CCDC6: variants seen among roughly 807,000 people sequenced by gnomAD.
CCDC6 encodes the protein coiled-coil domain-containing protein 6.
CCDC6 carries 20 observed loss-of-function variants against 56.6 expected under a neutral mutation model. The ratio of observed to expected loss-of-function variants is 0.35; its 90% CI spans 0.25 to 0.51. CCDC6 has a LOEUF of 0.51. CCDC6 is among the 20% of genes least tolerant of loss of function. The pLI, the probability that CCDC6 is intolerant of heterozygous loss-of-function variation, is 0.95. For synonymous variants in CCDC6, 241 were observed against 234.4 expected, an observed-to-expected ratio of 1.03 and a Z score of -0.26; for missense variants, 367 against 601.1, an observed-to-expected ratio of 0.61 and a Z score of 4.07.
chr10:59,842,505 T>G (rs575218519), intron 2 of CCDC6, among the ~76,000 whole-genome samples: 1 of 152,248 alleles, frequency 6.6e-6, no homozygotes, highest in South Asian at 2.1e-4. Flanking sequence ...TTACACTTAC[T>G]GATTTTCTAC....
chr10:59,792,609 G>A lies in CCDC6; in HGVS notation c.*308C>T. On this transcript the variant is annotated 3_prime_UTR_variant, in exon 9 of 9. Transcript: ENST00000263102. ...CTAAAAGCCAGGAGAATGAAGCTCT[G>A]GGCCAAGCAAAAATTGCACACTGCT... 1.5e-6 allele frequency: 1 copy of A among 677,512 alleles called. No homozygotes were observed. The highest frequency in any genetic ancestry group is 2.9e-5 in the East Asian group (1 of 34,082). The allele number at this position is 677,512 out of a possible 1,614,324, so 42.0% of individuals were successfully genotyped here. A position where few individuals can be genotyped will look rare whatever the true frequency, so the allele number is the denominator to read the frequency against.
In CCDC6 at chr10:59,874,861, G is replaced by C. The variant is rs78186034; in HGVS notation, c.304-22159C>G. ...AGGCAAGAAAATGGACTCTCCTCTGGGACTTCCAGAAAAACTGCAGCCCTG... is the reference window on the plus strand; with the variant it reads ...AGGCAAGAAAATGGACTCTCCTCTGCGACTTCCAGAAAAACTGCAGCCCTG... On this transcript the variant is annotated intron_variant, in intron 1 of 8. Coordinates refer to ENST00000263102, the MANE Select transcript of CCDC6 (RefSeq NM_005436.5). Among the ~76,000 whole-genome samples, 9 of 152,236 alleles carry C rather than the reference G, an allele frequency of 5.9e-5. No homozygotes were observed. In the East Asian group the frequency reaches 1.7e-3, roughly 29 times the overall value.
chr10:59,789,655 A>AT lies in CCDC6; in HGVS notation c.*3261dup, dbSNP rs2070450859. ...ACAAAGTTTTCAGTGTTGGTTACCT[A>AT]TAAGACAAGTACTAGACAGAAGATC... On this transcript the variant is annotated 3_prime_UTR_variant, in exon 9 of 9. Coordinates refer to ENST00000263102, the MANE Select transcript of CCDC6 (RefSeq NM_005436.5). 1 of 224,434 alleles carries AT rather than the reference A, an allele frequency of 4.5e-6. No homozygotes were observed. The highest frequency in any genetic ancestry group is 5.7e-5 in the Admixed American group (1 of 17,442). 13.9% of individuals were successfully genotyped at this position (224,434 alleles called of 1,614,324 possible). A position where few individuals can be genotyped will look rare whatever the true frequency, so the allele number is the denominator to read the frequency against.
chr10:59,820,296 G>C (rs1252376401), intron 3 of CCDC6, among the ~76,000 whole-genome samples: 1 of 152,192 alleles, frequency 6.6e-6, no homozygotes, highest in Non-Finnish European at 1.5e-5. Context: ...GCTAAATCTA[G>C]CTCAGTTATA....
chr10:59,823,327 C>T (rs545982277), intron 3 of CCDC6, among the ~76,000 whole-genome samples: 26 of 152,310 alleles, frequency 1.7e-4, no homozygotes, highest in Admixed American at 1.6e-3. Context: ...GTAACACACC[C>T]TCTGGGGCTT....
chr10:59,859,396 A>G (rs765388697), intron 1 of CCDC6, among the ~76,000 whole-genome samples: 7 of 152,190 alleles, frequency 4.6e-5, no homozygotes, highest in Non-Finnish European at 1.0e-4. Flanking sequence ...AGATATTCAA[A>G]TTCTCAGAAA....
intron 1 of CCDC6, among the ~76,000 whole-genome samples, chr10:59,859,232 G>GTGTA (rs148577678): frequency 0.019 from 2,887 of 150,792 alleles, 46 homozygotes; most frequent in African/African-American, 0.024. Context: ...GTGTGTGTGT[G>GTGTA]TGTGTATGAA....
chr10:59,877,188 T>C (rs1238750052), intron 1 of CCDC6, among the ~76,000 whole-genome samples: 2 of 152,204 alleles, frequency 1.3e-5, no homozygotes, highest in East Asian at 3.8e-4. Context: ...TTTGACAAAA[T>C]TCTGCTCATT....
At chr10:59,813,642 T>A (rs1044891425) in intron 4 of CCDC6, among the ~76,000 whole-genome samples, 6 of 152,198 alleles carry the variant, frequency 3.9e-5, no homozygotes, top group African/African-American at 1.4e-4. Flanking sequence ...GTTACCTCCA[T>A]CCAGGTCTAC....
chr10:59,793,572 C>T (rs891034003), intron 8 of CCDC6, among the ~76,000 whole-genome samples: 1 of 152,056 alleles, frequency 6.6e-6, no homozygotes, highest in African/African-American at 2.4e-5. Flanking sequence ...TAACCTGAGG[C>T]CAGGAGTTCG....
rs376070437 is a variant in CCDC6, at chr10:59,847,429, CAGTT to C, written c.453+5120_453+5123del. Among the ~76,000 whole-genome samples the C allele has an allele frequency of 3.7e-4, 57 of 152,184 alleles. 2 individuals carry two copies. The highest frequency in any genetic ancestry group is 1.3e-3 in the African/African-American group (52 of 41,522). On this transcript the variant is annotated intron_variant, in intron 2 of 8. Transcript: ENST00000263102. ...GTGAATCATACAAAGACTGACAAGA[CAGTT>C]AGGCTAATCATTAGAGCATTCTGAT...
At position 59,789,220 on chromosome 10, in the gene CCDC6, TAAGTC is replaced by T. The variant is rs1362629416; in HGVS notation, c.*3692_*3696del. Reference sequence around the variant, plus strand: ...ATACAATCTAGATGACGGTGCAGACTAAGTCAAGAACTAAAGTTGTGCAGTAACCC... The same window carrying T: ...ATACAATCTAGATGACGGTGCAGACTAAGAACTAAAGTTGTGCAGTAACCC... On this transcript the variant is annotated 3_prime_UTR_variant, in exon 9 of 9. Transcript: ENST00000263102. 4 of 231,254 alleles carry T rather than the reference TAAGTC, an allele frequency of 1.7e-5. No individual in the cohort carries two copies. Among genetic ancestry groups the T allele is most frequent in the East Asian group, 6.1e-5 (1 of 16,264 alleles). 14.3% of individuals were successfully genotyped at this position (231,254 alleles called of 1,614,324 possible). A position where few individuals can be genotyped will look rare whatever the true frequency, so the allele number is the denominator to read the frequency against.
rs187471459 is a variant in CCDC6, at chr10:59,791,062, G to C, written c.*1855C>G. On this transcript the variant is annotated 3_prime_UTR_variant, in exon 9 of 9. Transcript: ENST00000263102. ...TCCTTGGAATGGCAATGTACCAGGA[G>C]GGTGAGTGAACTGTTGGTGAAAATT... The C allele has an allele frequency of 1.6e-3, 343 of 210,750 alleles. No individual in the cohort carries two copies. The highest frequency in any genetic ancestry group is 2.4e-3 in the Non-Finnish European group (251 of 103,808). 13.1% of individuals were successfully genotyped at this position (210,750 alleles called of 1,614,324 possible).
At chr10:59,796,319 G>A (rs1214923338) in intron 7 of CCDC6, among the ~76,000 whole-genome samples, 1 of 92,590 alleles carries the variant, frequency 1.1e-5, no homozygotes. Context: ...CTTTTTGATG[G>A]GGTTGTTTTT....
intron 1 of CCDC6, among the ~76,000 whole-genome samples, chr10:59,904,438 G>C (rs1046052607): frequency 8.5e-5 from 13 of 152,196 alleles, no homozygotes; most frequent in Non-Finnish European, 1.5e-4. Context: ...CCCACTGCAT[G>C]CAAAAGGCTA....
intron 1 of CCDC6, among the ~76,000 whole-genome samples, chr10:59,888,992 T>G (rs2071402609): frequency 6.6e-6 from 1 of 151,716 alleles, no homozygotes; most frequent in African/African-American, 2.4e-5. Flanking sequence ...GGGCAGCCAT[T>G]TCTCCTCCCA....
At chr10:59,895,416 T>C (rs1438303802) in intron 1 of CCDC6, among the ~76,000 whole-genome samples, 1 of 152,214 alleles carries the variant, frequency 6.6e-6, no homozygotes, top group Non-Finnish European at 1.5e-5. Flanking sequence ...TCCCATCTGA[T>C]AGTCATGGGA....
intron 1 of CCDC6, among the ~76,000 whole-genome samples, chr10:59,887,742 C>T (rs1288374982): frequency 6.6e-6 from 1 of 152,144 alleles, no homozygotes; most frequent in African/African-American, 2.4e-5. Flanking sequence ...GGGTCAAATG[C>T]GACATTGGAA....
intron 2 of CCDC6, among the ~76,000 whole-genome samples, chr10:59,848,899 G>C (rs963188753): frequency 4.6e-5 from 7 of 152,066 alleles, no homozygotes; most frequent in African/African-American, 1.7e-4. Flanking sequence ...ATTTTTAGTA[G>C]AAATGGGGTC....
Sources: gnomAD v4.1 joint callset for allele counts (sites outside exome capture counted in the v4.1 genomes callset) on GRCh38, gnomAD v4.1.1 for gene constraint, MANE v1.5 for transcripts, NCBI Gene and HGNC (gene_info 2026-07-23, HGNC 2026-07-21) for gene names.